The following ATXN8OS variants were observed in gnomAD, a reference collection of about 807,000 sequenced individuals.
ATXN8OS encodes the protein ATXN8 opposite strand lncRNA.
At chr13:70,161,129 A>T (rs1215160553) in intron 4 of ATXN8OS, among the ~76,000 whole-genome samples, 2 of 151,880 alleles carry the variant, frequency 1.3e-5, no homozygotes, top group Non-Finnish European at 2.9e-5. Flanking sequence ...ATACTGCAAG[A>T]TTTAAATTTT....
intron 3 of ATXN8OS, among the ~76,000 whole-genome samples, chr13:70,142,598 A>G (rs923796581): frequency 2.2e-4 from 34 of 152,220 alleles, no homozygotes; most frequent in Non-Finnish European, 2.2e-4. Flanking sequence ...TGCACCATGG[A>G]AATAGTAATT....
chr13:70,125,787 A>G (rs1161712724), intron 2 of ATXN8OS, among the ~76,000 whole-genome samples: 2 of 151,910 alleles, frequency 1.3e-5, no homozygotes, highest in Non-Finnish European at 2.9e-5. Context: ...TCACTGATGC[A>G]CAGTCAGCTG....
At chr13:70,171,216 A>G (rs1889140356) in exon 5 of ATXN8OS, among the ~76,000 whole-genome samples, 1 of 152,134 alleles carries the variant, frequency 6.6e-6, no homozygotes, top group African/African-American at 2.4e-5. Flanking sequence ...CCTTCTTCCA[A>G]CACAGTTTGA....
intron 2 of ATXN8OS, among the ~76,000 whole-genome samples, chr13:70,124,934 GT>G (rs4053601): frequency 0.47 from 65,798 of 141,222 alleles, 15,112 homozygotes; most frequent in South Asian, 0.58. Context: ...TAATTTGAGG[GT>G]TTTTTTTTTT....
At chr13:70,120,865 G>A (rs137913915) in intron 2 of ATXN8OS, among the ~76,000 whole-genome samples, 2 of 130,218 alleles carry the variant, frequency 1.5e-5, no homozygotes. Context: ...GGTGGGAACT[G>A]AACAATGAGA....
intron 3 of ATXN8OS, among the ~76,000 whole-genome samples, chr13:70,135,206 G>T (rs1888595397): frequency 6.6e-6 from 1 of 152,064 alleles, no homozygotes; most frequent in Admixed American, 6.6e-5. Flanking sequence ...CTTCACTGCA[G>T]TCACAAGGTC....
rs1320347373 is a variant in ATXN8OS, at chr13:70,162,964, T to A, written n.574-6789T>A. ...GCCCAATACTTTGAATCATAGCAAG[T>A]TGATGTTGGCCACAGGCCTTCAAGA... On this transcript the variant is annotated intron_variant and non_coding_transcript_variant, in intron 4 of 4. Transcript: ENST00000678624. 2.6e-5 allele frequency among the ~76,000 whole-genome samples: 4 copies of A among 152,062 alleles called. No individual in the cohort carries two copies. The South Asian group carries it at 6.2e-4, about 24-fold the overall frequency.
At chr13:70,150,628 T>G (rs766474437) in intron 4 of ATXN8OS, among the ~76,000 whole-genome samples, 1 of 152,066 alleles carries the variant, frequency 6.6e-6, no homozygotes, top group Non-Finnish European at 1.5e-5. Context: ...TTGGCCCAAT[T>G]TGATGTAAAT....
chr13:70,149,456 C>T (rs765148608), intron 4 of ATXN8OS, among the ~76,000 whole-genome samples: 1 of 151,974 alleles, frequency 6.6e-6, no homozygotes, highest in African/African-American at 2.4e-5. Flanking sequence ...GAGGTGTTAA[C>T]AGAAATTAAT....
rs1387982027 is a variant in ATXN8OS at position 70,118,957 on chromosome 13, C to T, written n.398+3659C>T. On this transcript the variant is annotated intron_variant and non_coding_transcript_variant, in intron 2 of 4. Coordinates refer to ENST00000678624, the Ensembl canonical transcript of ATXN8OS. The stretch of plus-strand genomic sequence containing the variant: ...GCAAACCCAGACTATAGATTTCTGG[C>T]ACTCAAAAATATGTCAAGCCATGGA... Among the ~76,000 whole-genome samples, 4 of 151,760 alleles carry T rather than the reference C, an allele frequency of 2.6e-5. No individual in the cohort carries two copies. In the East Asian group the frequency reaches 7.7e-4, roughly 29 times the overall value.
chr13:70,114,398 C>T (rs2078663882), intron 1 of ATXN8OS, among the ~76,000 whole-genome samples: 1 of 151,982 alleles, frequency 6.6e-6, no homozygotes, highest in South Asian at 2.1e-4. Context: ...CAATAATATA[C>T]TAAAGTCTAA....
intron 2 of ATXN8OS, among the ~76,000 whole-genome samples, chr13:70,119,538 G>A (rs182917522): frequency 2.0e-5 from 3 of 152,072 alleles, no homozygotes; most frequent in East Asian, 3.9e-4. Flanking sequence ...AAATGATATC[G>A]TGTGTATACA....
At chr13:70,139,095 T>G (rs180671897) in intron 3 of ATXN8OS, 158 of 401,028 alleles carry the variant, frequency 3.9e-4, no homozygotes, top group African/African-American at 3.0e-3. Flanking sequence ...ACCTATCATA[T>G]TTTGGTAAAT....
intron 2 of ATXN8OS, among the ~76,000 whole-genome samples, chr13:70,121,418 C>T (rs1888359068): frequency 6.6e-6 from 1 of 151,976 alleles, no homozygotes; most frequent in South Asian, 2.1e-4. Flanking sequence ...TGAGTGAAGT[C>T]TTTCAAGGAG....
chr13:70,128,955 G>T (rs1322229356), intron 2 of ATXN8OS, among the ~76,000 whole-genome samples: 1 of 151,776 alleles, frequency 6.6e-6, no homozygotes, highest in Non-Finnish European at 1.5e-5. Context: ...CCACCTCCCA[G>T]GTTCAAGCGA....
chr13:70,139,436 TA>T lies in ATXN8OS; in HGVS notation n.500-7914del. On this transcript the variant is annotated intron_variant and non_coding_transcript_variant, in intron 3 of 4. Transcript: ENST00000678624. ...CTGCTGCTGCTGCTGCTGCATTTTTTAAAAATATATTATCTTATTTTACTAT... is the reference window on the plus strand; with the variant it reads ...CTGCTGCTGCTGCTGCTGCATTTTTTAAAATATATTATCTTATTTTACTAT... 6 of 757,358 alleles carry T rather than the reference TA, an allele frequency of 7.9e-6. 1 individual carries two copies. Among genetic ancestry groups the T allele is most frequent in the Non-Finnish European group, 1.3e-5 (6 of 458,584 alleles). 46.9% of individuals were successfully genotyped at this position (757,358 alleles called of 1,614,324 possible).
intron 1 of ATXN8OS, among the ~76,000 whole-genome samples, chr13:70,111,740 G>A (rs1369402615): frequency 1.3e-5 from 2 of 152,026 alleles, no homozygotes; most frequent in African/African-American, 2.4e-5. Flanking sequence ...ACTTTTCCAG[G>A]AAAAGCAATT....
At chr13:70,147,366 G>C (rs1048703206) in exon 4 of ATXN8OS, among the ~76,000 whole-genome samples, 2 of 151,974 alleles carry the variant, frequency 1.3e-5, no homozygotes, top group African/African-American at 4.8e-5. Context: ...TCTATATCTG[G>C]ATAAAGTGCG....
At chr13:70,163,736 T>C (rs1889038153) in intron 4 of ATXN8OS, among the ~76,000 whole-genome samples, 1 of 151,902 alleles carries the variant, frequency 6.6e-6, no homozygotes, top group Non-Finnish European at 1.5e-5. Context: ...TATACTTTTT[T>C]TGAACTTATT....
Sources: allele counts gnomAD v4.1 joint callset (sites outside exome capture counted in the v4.1 genomes callset), GRCh38; gene constraint gnomAD v4.1.1; transcripts MANE v1.5; gene names NCBI Gene and HGNC (gene_info 2026-07-23, HGNC 2026-07-21).